The following NAALADL2 variants were observed in gnomAD, a reference collection of about 807,000 sequenced individuals.
NAALADL2 encodes N-acetylated alpha-linked acidic dipeptidase like 2.
A neutral mutation model predicts 87.2 loss-of-function variants in NAALADL2; 76 were observed. That is an observed-to-expected ratio of 0.87 (90% CI 0.72 to 1.05). The LOEUF (loss-of-function observed/expected upper bound fraction) is 1.05, where lower values mean the gene tolerates loss of function less well. Among genes scored for constraint, NAALADL2 ranks in the 50% least tolerant of loss-of-function variants. The pLI, the probability that NAALADL2 is intolerant of heterozygous loss-of-function variation, is 0.00. For synonymous variants in NAALADL2, 354 were observed against 331.0 expected, an observed-to-expected ratio of 1.07 and a Z score of -0.75; for missense variants, 1,089 against 945.8, an observed-to-expected ratio of 1.15 and a Z score of -1.99.
intron 3 of NAALADL2, among the ~76,000 whole-genome samples, chr3:174,788,811 G>A (rs1346321271): frequency 6.6e-6 from 1 of 152,122 alleles, no homozygotes. Flanking sequence ...GCAGGACAAA[G>A]GACCCAACTG....
At chr3:174,960,311 A>G (rs919703520) in intron 1 of NAALADL2, among the ~76,000 whole-genome samples, 1 of 152,080 alleles carries the variant, frequency 6.6e-6, no homozygotes, top group Non-Finnish European at 1.5e-5. Context: ...AGAAAATATC[A>G]TAGTTGATAA....
intron 1 of NAALADL2, among the ~76,000 whole-genome samples, chr3:174,914,860 A>G (rs920043968): frequency 6.6e-6 from 1 of 152,152 alleles, no homozygotes; most frequent in African/African-American, 2.4e-5. Flanking sequence ...TCAATAAGGG[A>G]GGAAAGGTAA....
chr3:175,798,807 T>C (rs1025873589), intron 13 of NAALADL2, among the ~76,000 whole-genome samples: 3 of 152,118 alleles, frequency 2.0e-5, no homozygotes, highest in Non-Finnish European at 2.9e-5. Flanking sequence ...CTTATGTGAA[T>C]TGCCATCACA....
intron 2 of NAALADL2, among the ~76,000 whole-genome samples, chr3:175,202,049 A>AT (rs947506653): frequency 0.013 from 1,938 of 148,004 alleles, 39 homozygotes; most frequent in African/African-American, 0.044. Flanking sequence ...ATTACTATTT[A>AT]TTTTTTTTTT....
intron 11 of NAALADL2, among the ~76,000 whole-genome samples, chr3:175,724,599 A>C (rs942157455): frequency 3.9e-5 from 6 of 152,138 alleles, no homozygotes; most frequent in African/African-American, 1.4e-4. Flanking sequence ...TAACAATGTA[A>C]TTGCATACAG....
At chr3:175,737,640 CAA>C (rs541069987) in intron 12 of NAALADL2, among the ~76,000 whole-genome samples, 451 of 143,128 alleles carry the variant, frequency 3.2e-3, no homozygotes, top group Non-Finnish European at 5.0e-3. Context: ...TCTATTTTAT[CAA>C]AGAGATTTAT....
rs551150470 is a variant in NAALADL2 at position 175,751,007 on chromosome 3, A to G, written c.1991-4213A>G. Among the ~76,000 whole-genome samples, 8 of 151,082 alleles carry G rather than the reference A, an allele frequency of 5.3e-5. No individual in the cohort carries two copies. In the South Asian group the frequency reaches 1.5e-3, roughly 28 times the overall value. ...AAACTGTTTTTGTTTGAAATTTGTA[A>G]GTTAATTTCATTTGTCTCAAATAAT... is the stretch of plus-strand genomic sequence containing the variant. On this transcript the variant is annotated intron_variant, in intron 12 of 13. Transcript: ENST00000454872.
intron 3 of NAALADL2, among the ~76,000 whole-genome samples, chr3:175,243,057 T>C (rs1479502333): frequency 2.0e-5 from 3 of 148,598 alleles, no homozygotes; most frequent in Non-Finnish European, 3.0e-5. Context: ...CTGTATGGTT[T>C]AATCCTTTCC....
intron 5 of NAALADL2, among the ~76,000 whole-genome samples, chr3:175,439,138 A>G (rs146277194): frequency 2.0e-3 from 309 of 152,276 alleles, no homozygotes; most frequent in African/African-American, 7.2e-3. Flanking sequence ...AACTTAGAAT[A>G]ATGATCTCCA....
At chr3:175,451,876 C>T (rs1028438946) in intron 6 of NAALADL2, among the ~76,000 whole-genome samples, 3 of 151,978 alleles carry the variant, frequency 2.0e-5, no homozygotes, top group Admixed American at 6.6e-5. Context: ...TAGTGTCTAA[C>T]CGATCATCTT....
chr3:174,601,115 C>G (rs1483466132), intron 2 of NAALADL2, among the ~76,000 whole-genome samples: 1 of 152,074 alleles, frequency 6.6e-6, no homozygotes, highest in Non-Finnish European at 1.5e-5. Flanking sequence ...GTACAGATAT[C>G]TCTTCAATAT....
At chr3:175,329,774 C>A (rs1761179443) in intron 5 of NAALADL2, among the ~76,000 whole-genome samples, 1 of 152,046 alleles carries the variant, frequency 6.6e-6, no homozygotes, top group Non-Finnish European at 1.5e-5. Context: ...TGTTAAGCGG[C>A]AAAATTTTTC....
intron 1 of NAALADL2, among the ~76,000 whole-genome samples, chr3:174,919,384 A>G (rs1257982065): frequency 6.6e-6 from 1 of 152,202 alleles, no homozygotes; most frequent in East Asian, 1.9e-4. Flanking sequence ...GTAATATTCT[A>G]AATCTTTTGT....
At chr3:174,445,360 C>T (rs1192045729) in intron 1 of NAALADL2, among the ~76,000 whole-genome samples, 1 of 152,000 alleles carries the variant, frequency 6.6e-6, no homozygotes, top group Non-Finnish European at 1.5e-5. Flanking sequence ...ATAATTCATA[C>T]AAAAGATTAG....
rs778947629 is a variant in NAALADL2 at position 174,859,383 on chromosome 3, G to C, written c.-25G>C. ...AAGTGACACAACTTGAAACTGCTTG[G>C]CCCTCTTTAAAAAGAAATAATAAAA... On this transcript the variant is annotated 5_prime_UTR_variant, in exon 1 of 14. Coordinates refer to ENST00000454872, the MANE Select transcript of NAALADL2 (RefSeq NM_207015.3). 1 of 1,591,978 alleles carries C rather than the reference G, an allele frequency of 6.3e-7. No individual in the cohort carries two copies. The highest frequency in any genetic ancestry group is 1.7e-5 in the Admixed American group (1 of 58,166).
At chr3:175,383,530 C>T (rs12638789) in intron 5 of NAALADL2, among the ~76,000 whole-genome samples, 30,763 of 151,922 alleles carry the variant, frequency 0.2, 3,987 homozygotes, top group East Asian at 0.5. Context: ...ATACTTATTC[C>T]TCCTGTCTAA....
chr3:174,535,812 G>A (rs1301339515), intron 1 of NAALADL2, among the ~76,000 whole-genome samples: 1 of 151,960 alleles, frequency 6.6e-6, no homozygotes, highest in Non-Finnish European at 1.5e-5. Context: ...GCTGGGCTAG[G>A]CTCTGGATTG....
At chr3:175,498,767 A>G (rs6800281) in intron 9 of NAALADL2, among the ~76,000 whole-genome samples, 4,861 of 152,112 alleles carry the variant, frequency 0.032, 280 homozygotes, top group African/African-American at 0.11. Context: ...TTTTCCCCCA[A>G]AGATTCACAT....
chr3:175,518,296 T>G (rs980926772), intron 9 of NAALADL2, among the ~76,000 whole-genome samples: 1 of 152,162 alleles, frequency 6.6e-6, no homozygotes, highest in African/African-American at 2.4e-5. Flanking sequence ...ATGAGCTTCA[T>G]CCTCTTTCCT....
Sources: gnomAD v4.1 joint callset for allele counts (sites outside exome capture counted in the v4.1 genomes callset) on GRCh38, gnomAD v4.1.1 for gene constraint, MANE v1.5 for transcripts, NCBI Gene and HGNC (gene_info 2026-07-23, HGNC 2026-07-21) for gene names.